The following SLIT2 variants were observed in gnomAD, a reference collection of about 807,000 sequenced individuals.
The protein encoded by SLIT2 is slit homolog 2 protein.
A neutral mutation model predicts 185.7 loss-of-function variants in SLIT2; 41 were observed. That is an observed-to-expected ratio of 0.22 (90% CI 0.17 to 0.29). The LOEUF is 0.29. Ranked by LOEUF, SLIT2 falls within the 10% of genes least tolerant of loss-of-function variation. The probability of loss-of-function intolerance (pLI) is 1.00; values close to 1 mark genes in which losing one functional copy is unlikely to be tolerated. For missense variants in SLIT2, 1,571 were observed against 1,909.0 expected, an observed-to-expected ratio of 0.82 and a Z score of 3.30; for synonymous variants, 693 against 680.2, an observed-to-expected ratio of 1.02 and a Z score of -0.29.
At chr4:20,532,883 G>T in intron 17 of SLIT2, among the ~76,000 whole-genome samples, 1 of 152,134 alleles carries the variant, frequency 6.6e-6, no homozygotes, top group East Asian at 1.9e-4. Context: ...TTATTAAGAA[G>T]CTACTGTGTG....
In SLIT2 at chr4:20,549,032, C is replaced by A. The variant is rs781649392; in HGVS notation, c.2418-25C>A. The A allele has an allele frequency of 1.1e-5, 16 of 1,455,318 alleles. No individual in the cohort carries two copies. The Admixed American group carries it at 2.4e-4, about 22-fold the overall frequency. The allele number at this position is 1,455,318 out of a possible 1,614,324, so 90.2% of individuals were successfully genotyped here. ...GCCATTTTTGGATTTCTGAATAAAA[C>A]AAATTGACATATGTATGCTTTCAGA... On this transcript the variant is annotated intron_variant, in intron 23 of 36. Transcript: ENST00000504154.
At chr4:20,502,540 CAAAG>C (rs977619337) in intron 9 of SLIT2, among the ~76,000 whole-genome samples, 13 of 152,168 alleles carry the variant, frequency 8.5e-5, no homozygotes, top group East Asian at 3.9e-4. Flanking sequence ...GCACAAAAAA[CAAAG>C]AGAGAGGGCT....
intron 4 of SLIT2, among the ~76,000 whole-genome samples, chr4:20,382,522 A>G (rs960167371): frequency 2.6e-5 from 4 of 152,186 alleles, no homozygotes; most frequent in Admixed American, 6.6e-5. Flanking sequence ...TTTGTGTGCT[A>G]GCAATGTAAT....
intron 9 of SLIT2, among the ~76,000 whole-genome samples, chr4:20,507,833 T>A (rs1396497811): frequency 6.6e-6 from 1 of 151,914 alleles, no homozygotes; most frequent in Admixed American, 6.6e-5. Flanking sequence ...TGTGAGCAAA[T>A]CTTTAATACA....
rs546147069 is a variant in SLIT2, at chr4:20,434,268, A to G, written c.396-33484A>G. On this transcript the variant is annotated intron_variant, in intron 4 of 36. Transcript: ENST00000504154. ...TTTGGGAGGCCAAGGCCAGCAGATC[A>G]CGTGAGGTCGGGAGTTTGAGACCAG... Among the ~76,000 whole-genome samples, 79 of 152,108 alleles carry G rather than the reference A, an allele frequency of 5.2e-4. No individual in the cohort carries two copies. In the South Asian group the frequency reaches 0.014, roughly 28 times the overall value.
intron 33 of SLIT2, among the ~76,000 whole-genome samples, chr4:20,604,903 T>C (rs1472807135): frequency 1.3e-5 from 2 of 151,324 alleles, no homozygotes; most frequent in Non-Finnish European, 2.9e-5. Flanking sequence ...TGGCACAATC[T>C]CGCCTCACTG....
intron 4 of SLIT2, among the ~76,000 whole-genome samples, chr4:20,453,478 A>G (rs1577685484): frequency 6.6e-6 from 1 of 152,146 alleles, no homozygotes; most frequent in Non-Finnish European, 1.5e-5. Flanking sequence ...CATTTATTGA[A>G]TGTTATTAAT....
intron 4 of SLIT2, among the ~76,000 whole-genome samples, chr4:20,358,454 T>C (rs759024060): frequency 6.6e-5 from 10 of 152,186 alleles, no homozygotes; most frequent in Admixed American, 2.0e-4. Flanking sequence ...TCTTACTTTT[T>C]TGTAAATTTA....
At chr4:20,569,903 G>A (rs536313611) in intron 29 of SLIT2, among the ~76,000 whole-genome samples, 1 of 152,102 alleles carries the variant, frequency 6.6e-6, no homozygotes, top group African/African-American at 2.4e-5. Context: ...TACAATGCAG[G>A]TGACTGGAGT....
intron 4 of SLIT2, among the ~76,000 whole-genome samples, chr4:20,430,345 G>A (rs1057265149): frequency 1.3e-5 from 2 of 152,166 alleles, no homozygotes; most frequent in African/African-American, 2.4e-5. Flanking sequence ...GATATTCTAA[G>A]ATGCTGCTGG....
intron 4 of SLIT2, among the ~76,000 whole-genome samples, chr4:20,298,281 G>A (rs946252144): frequency 2.0e-4 from 31 of 152,034 alleles, no homozygotes; most frequent in African/African-American, 6.5e-4. Flanking sequence ...TAGAGACGGG[G>A]TTTCTCCTTG....
chr4:20,505,858 T>C (rs1183158869), intron 9 of SLIT2, among the ~76,000 whole-genome samples: 1 of 152,042 alleles, frequency 6.6e-6, no homozygotes, highest in East Asian at 1.9e-4. Context: ...AGCTTTAAAG[T>C]CGTGAAGACA....
intron 3 of SLIT2, among the ~76,000 whole-genome samples, chr4:20,263,720 T>C (rs1712738300): frequency 6.6e-6 from 1 of 151,862 alleles, no homozygotes; most frequent in Admixed American, 6.6e-5. Context: ...TCCTCATCTT[T>C]AAAACAGGGA....
intron 33 of SLIT2, among the ~76,000 whole-genome samples, chr4:20,606,431 G>A (rs1041238799): frequency 6.6e-6 from 1 of 150,966 alleles, no homozygotes; most frequent in African/African-American, 2.4e-5. Flanking sequence ...GCAGTGAGCC[G>A]TAATTATGTC....
intron 4 of SLIT2, among the ~76,000 whole-genome samples, chr4:20,439,562 G>A (rs1307489510): frequency 6.6e-6 from 1 of 152,110 alleles, no homozygotes; most frequent in Non-Finnish European, 1.5e-5. Flanking sequence ...CGATAATATC[G>A]GATTAAGGCC....
chr4:20,518,557 G>GTGTATATATA lies in SLIT2; in HGVS notation c.1059-824_1059-823insGTATATATAT, dbSNP rs1271279922. 3.5e-3 allele frequency among the ~76,000 whole-genome samples: 62 copies of GTGTATATATA among 17,864 alleles called. 11 individuals are homozygous for GTGTATATATA. The highest frequency in any genetic ancestry group is 0.12 in the Middle Eastern group (1 of 8). 11.7% of individuals were successfully genotyped at this position (17,864 alleles called of 152,430 possible). On this transcript the variant is annotated intron_variant, in intron 11 of 36. Transcript: ENST00000504154. ...ATGAGCCACTGTGCCCAGCCTATAT[G>GTGTATATATA]TATATATATATATATATATATATAT...
At chr4:20,343,154 T>A (rs1218859905) in intron 4 of SLIT2, among the ~76,000 whole-genome samples, 1 of 151,996 alleles carries the variant, frequency 6.6e-6, no homozygotes, top group Non-Finnish European at 1.5e-5. Context: ...AAGGTTAGGA[T>A]TTATTCCATC....
chr4:20,594,224 T>C (rs1464443053), intron 30 of SLIT2, among the ~76,000 whole-genome samples: 1 of 150,142 alleles, frequency 6.7e-6, no homozygotes, highest in Non-Finnish European at 1.5e-5. Context: ...TATATGTATA[T>C]GTATGTACAT....
At chr4:20,541,249 T>C (rs1722776398) in intron 19 of SLIT2, among the ~76,000 whole-genome samples, 1 of 152,088 alleles carries the variant, frequency 6.6e-6, no homozygotes, top group South Asian at 2.1e-4. Context: ...TTGTTACTGC[T>C]TAAGTTCCAA....
Sources: gnomAD v4.1 joint callset for allele counts (sites outside exome capture counted in the v4.1 genomes callset) on GRCh38, gnomAD v4.1.1 for gene constraint, MANE v1.5 for transcripts, NCBI Gene and HGNC (gene_info 2026-07-23, HGNC 2026-07-21) for gene names.